XXYLT1: variants seen among roughly 807,000 people sequenced by gnomAD.
The protein encoded by XXYLT1 is UDP-xylose:alpha-xyloside alpha-1,3-xylosyltransferase.
A neutral mutation model predicts 28.9 loss-of-function variants in XXYLT1; 20 were observed. That is an observed-to-expected ratio of 0.69 (90% confidence interval 0.49 to 1.00). The LOEUF is 1.00. Among genes scored for constraint, XXYLT1 ranks in the 50% least tolerant of loss-of-function variants. The pLI, the probability that XXYLT1 is intolerant of heterozygous loss-of-function variation, is 0.00. For missense variants in XXYLT1, 542 were observed against 560.1 expected (o/e 0.97, Z 0.33); for synonymous variants, 257 against 253.8 (o/e 1.01, Z -0.12).
At chr3:195,213,858 A>G in intron 2 of XXYLT1, among the ~76,000 whole-genome samples, 1 of 152,156 alleles carries the variant, frequency 6.6e-6, no homozygotes, top group East Asian at 1.9e-4. Context: ...CACTATTCCC[A>G]TTTTACAGAC....
chr3:195,230,501 G>T (rs1474501029), intron 1 of XXYLT1, among the ~76,000 whole-genome samples: 1 of 152,116 alleles, frequency 6.6e-6, no homozygotes, highest in Admixed American at 6.6e-5. Context: ...TTTTCTTTTG[G>T]TAGTGTCATA....
chr3:195,225,266 G>A (rs76280678), intron 2 of XXYLT1, among the ~76,000 whole-genome samples: 9,992 of 152,234 alleles, frequency 0.066, 1,132 homozygotes, highest in African/African-American at 0.23. Context: ...CTCCTGCCCA[G>A]TGGAGCCCCC....
At chr3:195,244,883 C>T (rs1388975119) in intron 1 of XXYLT1, among the ~76,000 whole-genome samples, 17 of 149,920 alleles carry the variant, frequency 1.1e-4, no homozygotes, top group East Asian at 8.0e-4. Flanking sequence ...AACCCACTCC[C>T]GGCCGGGTGC....
chr3:195,224,731 T>G (rs1306156496), intron 2 of XXYLT1, among the ~76,000 whole-genome samples: 1 of 152,150 alleles, frequency 6.6e-6, no homozygotes, highest in Non-Finnish European at 1.5e-5. Flanking sequence ...CCTGGCTCCC[T>G]AGAACTACAG....
At chr3:195,253,506 T>C (rs1560176994) in intron 1 of XXYLT1, among the ~76,000 whole-genome samples, 3 of 149,228 alleles carry the variant, frequency 2.0e-5, no homozygotes, top group African/African-American at 7.4e-5. Context: ...TTTTTTTCTT[T>C]TTTTTTTTTT....
At chr3:195,228,817 C>CT (rs201938499) in intron 1 of XXYLT1, among the ~76,000 whole-genome samples, 5,284 of 145,446 alleles carry the variant, frequency 0.036, 147 homozygotes, top group East Asian at 0.1. Context: ...ATATGTATCT[C>CT]TTTTTTTTTT....
chr3:195,186,398 C>G (rs370274696), intron 2 of XXYLT1, among the ~76,000 whole-genome samples: 1 of 152,238 alleles, frequency 6.6e-6, no homozygotes, highest in African/African-American at 2.4e-5. Flanking sequence ...CCCAATCCCT[C>G]GCACAGCTTT....
At chr3:195,127,611 A>T (rs1320864125) in intron 3 of XXYLT1, among the ~76,000 whole-genome samples, 1 of 152,144 alleles carries the variant, frequency 6.6e-6, no homozygotes, top group Admixed American at 6.5e-5. Context: ...CCCTATCTCT[A>T]CAAAAAATCA....
chr3:195,132,236 C>T (rs771392794), intron 3 of XXYLT1, among the ~76,000 whole-genome samples: 2 of 152,210 alleles, frequency 1.3e-5, no homozygotes, highest in Non-Finnish European at 2.9e-5. Flanking sequence ...ATAGTATTGG[C>T]TTTATGGAGT....
Position 195,257,419 on chromosome 3 carries a change from G to A in XXYLT1, c.504+13136C>T, listed in dbSNP as rs1422908634. Among the ~76,000 whole-genome samples, 1 of 152,228 alleles carries A rather than the reference G, an allele frequency of 6.6e-6. No homozygotes were observed. The highest frequency in any genetic ancestry group is 1.9e-4 in the East Asian group (1 of 5,200). The stretch of plus-strand genomic sequence containing the variant: ...GGGGAAAGGGGCTCACCAGGGTGGA[G>A]GTGAGAGGTAGGTCCCCACATAACT... On this transcript the variant is annotated intron_variant, in intron 1 of 3. Transcript: ENST00000310380. This position sits in a 1 kb window ranked among gnomAD's most constrained non-coding sequence, Gnocchi z 4.3.
rs1722594859 is a variant in XXYLT1 at position 195,195,655 on chromosome 3, T to C, written c.652+31054A>G. Among the ~76,000 whole-genome samples, 1 of 152,154 alleles carries C rather than the reference T, an allele frequency of 6.6e-6. No individual in the cohort carries two copies. The highest frequency in any genetic ancestry group is 2.1e-4 in the South Asian group (1 of 4,832). On this transcript the variant is annotated intron_variant, in intron 2 of 3. Coordinates refer to ENST00000310380, the MANE Select transcript of XXYLT1 (RefSeq NM_152531.5). The surrounding 1 kb of genome is among the most constrained non-coding windows in gnomAD (Gnocchi z 4.4). ...TGCCCTGGTCCCTTCACTCTGGCAG[T>C]TCCCCTACTGCCCAGCCCGGGAACT...
intron 3 of XXYLT1, among the ~76,000 whole-genome samples, chr3:195,128,132 CAG>C (rs1165095931): frequency 6.6e-6 from 1 of 152,176 alleles, no homozygotes; most frequent in Non-Finnish European, 1.5e-5. Context: ...TGGTGGGAGG[CAG>C]ACTCAGAACA....
chr3:195,136,849 T>C (rs577251828), intron 3 of XXYLT1, among the ~76,000 whole-genome samples: 1 of 152,040 alleles, frequency 6.6e-6, no homozygotes, highest in East Asian at 1.9e-4. Context: ...CAAGCAGAGG[T>C]CCAAGGAGAT....
At chr3:195,248,609 A>T (rs1468870002) in intron 1 of XXYLT1, among the ~76,000 whole-genome samples, 1 of 152,164 alleles carries the variant, frequency 6.6e-6, no homozygotes, top group African/African-American at 2.4e-5. Context: ...ATGGAACTGT[A>T]AGTCCATTAA....
At position 195,115,122 on chromosome 3, in the gene XXYLT1, C is replaced by A. The variant is rs151201373; in HGVS notation, c.785+41327G>T. On this transcript the variant is annotated intron_variant, in intron 3 of 3. Coordinates refer to ENST00000310380, the MANE Select transcript of XXYLT1 (RefSeq NM_152531.5). This position sits in a 1 kb window ranked among gnomAD's most constrained non-coding sequence, Gnocchi z 4.2. ...AAACTAAGCTTCCCAGATGCCCAAA[C>A]GGCGAGAGCTCGGGACGTGAATCAG... Among the ~76,000 whole-genome samples the A allele has an allele frequency of 6.6e-6, 1 of 152,210 alleles. No homozygotes were observed. Among genetic ancestry groups the A allele is most frequent in the Non-Finnish European group, 1.5e-5 (1 of 68,032 alleles).
intron 2 of XXYLT1, among the ~76,000 whole-genome samples, chr3:195,211,169 G>A (rs371347667): frequency 3.4e-4 from 52 of 152,352 alleles, no homozygotes; most frequent in African/African-American, 1.2e-3. Flanking sequence ...TGAAGCAGGT[G>A]ACTCACCTAA....
chr3:195,226,009 G>A (rs1016146596), intron 2 of XXYLT1, among the ~76,000 whole-genome samples: 21 of 152,288 alleles, frequency 1.4e-4, no homozygotes, highest in African/African-American at 5.1e-4. Context: ...TGAACAGCGT[G>A]AGAACAGATT....
chr3:195,179,540 A>G (rs1721845521), intron 2 of XXYLT1, among the ~76,000 whole-genome samples: 1 of 152,068 alleles, frequency 6.6e-6, no homozygotes, highest in Non-Finnish European at 1.5e-5. Context: ...CAACTTGAAC[A>G]CTGGCCAAAG....
chr3:195,228,807 A>G lies in XXYLT1; in HGVS notation c.505-1951T>C, dbSNP rs894536288. 2.7e-5 allele frequency among the ~76,000 whole-genome samples: 4 copies of G among 146,662 alleles called. No individual in the cohort carries two copies. In the East Asian group the frequency reaches 8.1e-4, roughly 30 times the overall value. Reference sequence around the variant, plus strand: ...CCGGCCTATTTCCCTTATTTCTTCTATATGTATCTCTTTTTTTTTTTCGAG... The same window carrying G: ...CCGGCCTATTTCCCTTATTTCTTCTGTATGTATCTCTTTTTTTTTTTCGAG... On this transcript the variant is annotated intron_variant, in intron 1 of 3. Transcript: ENST00000310380.
Sources: allele counts gnomAD v4.1 joint callset (sites outside exome capture counted in the v4.1 genomes callset), GRCh38; gene constraint gnomAD v4.1.1; non-coding constraint Gnocchi (gnomAD v3.1); transcripts MANE v1.5; gene names NCBI Gene and HGNC (gene_info 2026-07-23, HGNC 2026-07-21).